Variants in PDE1C observed in about 807,000 individuals in gnomAD.
PDE1C encodes the protein dual specificity calcium/calmodulin-dependent 3',5'-cyclic nucleotide phosphodiesterase 1C.
In PDE1C, 62 loss-of-function variants were observed where a neutral mutation model predicts 93.1. The ratio of observed to expected loss-of-function variants is 0.67; its 90% CI spans 0.54 to 0.82. PDE1C has a LOEUF of 0.82. Among genes scored for constraint, PDE1C ranks in the 40% least tolerant of loss-of-function variants. The pLI, the probability that PDE1C is intolerant of heterozygous loss-of-function variation, is 0.00. For synonymous variants in PDE1C, 325 were observed against 310.1 expected (o/e 1.05, Z -0.50); for missense variants, 742 against 884.6 (o/e 0.84, Z 2.04).
chr7:31,775,534 C>T (rs1795766435), intron 17 of PDE1C, 130 bp downstream of exon 17: 2 of 702,042 alleles, frequency 2.8e-6, no homozygotes, highest in South Asian at 1.9e-5. Flanking sequence ...AGAGACAAAG[C>T]TCTCTGATAA....
chr7:32,051,753 T>C (rs916562367), intron 1 of PDE1C, among the ~76,000 whole-genome samples, 173 bp from the exon 2 acceptor site: 2 of 152,182 alleles, frequency 1.3e-5, no homozygotes, highest in Admixed American at 1.3e-4. Context: ...TGTGTTATAT[T>C]GTAGTCAGAA....
chr7:32,279,597 T>A (rs989144015), intron 1 of PDE1C, among the ~76,000 whole-genome samples: 1 of 152,090 alleles, frequency 6.6e-6, no homozygotes, highest in Non-Finnish European at 1.5e-5. Context: ...TGTACTATTA[T>A]TTGTCAATTA....
intron 1 of PDE1C, among the ~76,000 whole-genome samples, chr7:32,328,915 T>G (rs1783458089): frequency 6.6e-6 from 1 of 152,146 alleles, no homozygotes; most frequent in South Asian, 2.1e-4. Flanking sequence ...ATCAATAAAT[T>G]TTTGTCAAAT....
intron 2 of PDE1C, among the ~76,000 whole-genome samples, chr7:31,992,879 C>T (rs960961696): frequency 1.3e-5 from 2 of 152,088 alleles, no homozygotes; most frequent in African/African-American, 4.8e-5. Flanking sequence ...GCATAAATAT[C>T]AATATAGTTA....
intron 3 of PDE1C, among the ~76,000 whole-genome samples, chr7:32,167,022 T>G (rs902142338): frequency 6.6e-6 from 1 of 152,196 alleles, no homozygotes; most frequent in African/African-American, 2.4e-5. Context: ...TTTTTTGGGT[T>G]AAGCCTGGCA....
At chr7:32,133,887 T>C (rs1302253114) in intron 3 of PDE1C, among the ~76,000 whole-genome samples, 1 of 151,990 alleles carries the variant, frequency 6.6e-6, no homozygotes, top group Non-Finnish European at 1.5e-5. Context: ...AAGGAAAACA[T>C]GCTCACAATG....
At chr7:31,803,408 A>C (rs1251685725) in intron 16 of PDE1C, among the ~76,000 whole-genome samples, 10 of 149,506 alleles carry the variant, frequency 6.7e-5, no homozygotes, top group African/African-American at 2.5e-4. Context: ...TTTTATTATT[A>C]TTATTATTAT....
intron 1 of PDE1C, among the ~76,000 whole-genome samples, chr7:32,067,011 C>A (rs1240253087): frequency 6.6e-6 from 1 of 152,186 alleles, no homozygotes; most frequent in South Asian, 2.1e-4. Flanking sequence ...AGGACCAGCA[C>A]CCTCCCTGGA....
At chr7:32,112,802 ATATGTGTGTGTGTG>A (rs1798719889) in intron 3 of PDE1C, among the ~76,000 whole-genome samples, 1 of 98,628 alleles carries the variant, frequency 1.0e-5, no homozygotes, top group African/African-American at 3.6e-5. Flanking sequence ...ATATATACAT[ATATGTGTGTGTGTG>A]TGTGTGTGTG....
At chr7:31,949,517 A>G (rs76944758) in intron 2 of PDE1C, among the ~76,000 whole-genome samples, 1,637 of 152,250 alleles carry the variant, frequency 0.011, 37 homozygotes, top group African/African-American at 0.037. Flanking sequence ...CTGTTCTTAG[A>G]TATATGTTTT....
At chr7:31,657,093 GATATATATAAA>G in the PDE1C span, among the ~76,000 whole-genome samples, 1 of 3,594 alleles carries the variant, frequency 2.8e-4, no homozygotes, top group Non-Finnish European at 5.9e-4. Context: ...TTTTATATAT[GATATATATAAA>G]ATATATATAA....
intron 16 of PDE1C, chr7:31,784,642 G>A (rs1304478600): frequency 6.6e-6 from 1 of 152,074 alleles, no homozygotes; most frequent in Admixed American, 6.5e-5. Flanking sequence ...ATAAAGGAGA[G>A]TTTGAAAAAG....
chr7:31,692,438 T>C, the PDE1C span: 1 of 1,603,652 alleles, frequency 6.2e-7, no homozygotes. Context: ...CCCACCCTCC[T>C]TTGATGATGT....
At chr7:31,921,925 T>C (rs2041517) in intron 2 of PDE1C, among the ~76,000 whole-genome samples, 83,242 of 152,022 alleles carry the variant, frequency 0.55, 23,012 homozygotes, top group Non-Finnish European at 0.57. Flanking sequence ...TCATTTAAGC[T>C]TTACAAGTCT....
At chr7:32,373,264 A>C (rs534152981) in intron 1 of PDE1C, among the ~76,000 whole-genome samples, 2 of 152,366 alleles carry the variant, frequency 1.3e-5, no homozygotes, top group South Asian at 4.1e-4. Flanking sequence ...CACAAAATGG[A>C]ATCTTATTCA....
intron 16 of PDE1C, among the ~76,000 whole-genome samples, chr7:31,779,089 C>T (rs1004580461): frequency 5.3e-5 from 8 of 152,168 alleles, no homozygotes; most frequent in African/African-American, 9.7e-5. Flanking sequence ...ACTAAGCTCT[C>T]GGAGCCAGCA....
At chr7:31,812,934 C>G (rs902542308) in intron 15 of PDE1C, among the ~76,000 whole-genome samples, 1 of 152,104 alleles carries the variant, frequency 6.6e-6, no homozygotes, top group Admixed American at 6.5e-5. Context: ...GGTTGCTTGA[C>G]TTTACACAAG....
intron 2 of PDE1C, among the ~76,000 whole-genome samples, chr7:31,952,747 G>A (rs1807565820): frequency 6.6e-6 from 1 of 152,066 alleles, no homozygotes; most frequent in Admixed American, 6.5e-5. Flanking sequence ...ATAGAAATGA[G>A]ATGCCGCATG....
At chr7:31,792,722 A>G (rs1784725298) in intron 16 of PDE1C, among the ~76,000 whole-genome samples, 1 of 152,070 alleles carries the variant, frequency 6.6e-6, no homozygotes, top group Non-Finnish European at 1.5e-5. Flanking sequence ...TGTTTTCAAT[A>G]TAAACTGAAA....
Sources: gnomAD v4.1 joint callset for allele counts (sites outside exome capture counted in the v4.1 genomes callset) on GRCh38, gnomAD v4.1.1 for gene constraint, MANE v1.5 for transcripts, NCBI Gene and HGNC (gene_info 2026-07-23, HGNC 2026-07-21) for gene names.